The following SFMBT1 variants were observed in gnomAD, a reference collection of about 807,000 sequenced individuals.
SFMBT1 encodes the protein Scm like with four mbt domains 1.
Under a neutral mutation model 108.7 loss-of-function variants are expected in SFMBT1, and 32 were observed. That is an observed-to-expected ratio of 0.29 (90% CI 0.22 to 0.40). The LOEUF is 0.40. Among genes scored for constraint, SFMBT1 ranks in the 10% least tolerant of loss-of-function variants. The pLI, the probability that SFMBT1 is intolerant of heterozygous loss-of-function variation, is 1.00. For synonymous variants in SFMBT1, 348 were observed against 369.5 expected (o/e 0.94, Z 0.67); for missense variants, 816 against 1,059.6 (o/e 0.77, Z 3.19).
At chr3:53,019,286 G>A (rs1699222858) in intron 1 of SFMBT1, among the ~76,000 whole-genome samples, 1 of 151,620 alleles carries the variant, frequency 6.6e-6, no homozygotes, top group Non-Finnish European at 1.5e-5. Context: ...AACAGAGAAA[G>A]ACCTTGTCTC....
At chr3:52,968,965 A>T in intron 2 of SFMBT1, 136 bp downstream of exon 2, 1 of 949,140 alleles carries the variant, frequency 1.1e-6, no homozygotes, top group Non-Finnish European at 1.6e-6. Flanking sequence ...TCTGAGAGGT[A>T]CAGAAGATGG....
chr3:52,986,919 G>A (rs1267316949), intron 1 of SFMBT1, among the ~76,000 whole-genome samples: 1 of 152,070 alleles, frequency 6.6e-6, no homozygotes, highest in African/African-American at 2.4e-5. Context: ...CAGTCTGGGC[G>A]AAAGAGTGAG....
At chr3:52,921,967 T>C (rs937454207) in intron 10 of SFMBT1, 136 bp from the exon 11 acceptor site, 1 of 876,842 alleles carries the variant, frequency 1.1e-6, no homozygotes, top group African/African-American at 1.7e-5. Flanking sequence ...GTTTTGCTTT[T>C]TAATGAAGCA....
intron 1 of SFMBT1, among the ~76,000 whole-genome samples, chr3:53,001,615 T>C (rs1169494235): frequency 7.1e-6 from 1 of 141,318 alleles, no homozygotes; most frequent in South Asian, 2.3e-4. Context: ...GAAACAAGTG[T>C]AGAAAAAGCC....
At chr3:52,938,651 A>T (rs1356528851) in intron 4 of SFMBT1, among the ~76,000 whole-genome samples, 2 of 131,586 alleles carry the variant, frequency 1.5e-5, no homozygotes, top group South Asian at 2.6e-4. Context: ...TTTTTTTTTT[A>T]AGACAATTAG....
At chr3:52,928,394 T>A in intron 8 of SFMBT1, 53 bp from the exon 9 acceptor site, 5 of 1,561,686 alleles carry the variant, frequency 3.2e-6, no homozygotes, top group Non-Finnish European at 4.4e-6. Flanking sequence ...ATATATGTGC[T>A]TTCTCCTTGG....
Position 52,925,219 on chromosome 3 carries a change from T to TCAAAA in SFMBT1, c.1131+807_1131+811dup, listed in dbSNP as rs894998636. 1.2e-4 allele frequency among the ~76,000 whole-genome samples: 18 copies of TCAAAA among 152,250 alleles called. 1 individual carries two copies. Among genetic ancestry groups the TCAAAA allele is most frequent in the Middle Eastern group, 3.4e-3 (1 of 294 alleles). On this transcript the variant is annotated intron_variant, in intron 10 of 20. Transcript: ENST00000394752. ...CTGGGTGACAGAGCAAGACTCTGTCTCAAAACAAAACAAAACAAAACTGCA... is the reference window on the plus strand; with the variant it reads ...CTGGGTGACAGAGCAAGACTCTGTCTCAAAACAAAACAAAACAAAACAAAACTGCA...
At chr3:52,935,387 T>A (rs897883146) in intron 4 of SFMBT1, among the ~76,000 whole-genome samples, 4 of 152,218 alleles carry the variant, frequency 2.6e-5, no homozygotes, top group African/African-American at 9.6e-5. Context: ...TTTGTTTACA[T>A]ATTGTCTGTG....
At chr3:52,990,469 T>G (rs1292259307) in intron 1 of SFMBT1, among the ~76,000 whole-genome samples, 1 of 152,120 alleles carries the variant, frequency 6.6e-6, no homozygotes, top group African/African-American at 2.4e-5. Context: ...AATCTAACTA[T>G]GCAAAGTCTT....
Position 53,040,968 on chromosome 3 carries a change from A to ATTTTTTTTTTTTTTTTTTTTTTTT in SFMBT1, c.-131+4824_-131+4847dup, listed in dbSNP as rs57640588. ...TACAGGCATGCACCAAGACACCTGAATTTTTTTTTTTTTTTTTTTTTTTTT... is the reference window on the plus strand; with the variant it reads ...TACAGGCATGCACCAAGACACCTGAATTTTTTTTTTTTTTTTTTTTTTTTTTTTTTTTTTTTTTTTTTTTTTTTT... On this transcript the variant is annotated intron_variant, in intron 1 of 20. Coordinates refer to ENST00000394752, the MANE Select transcript of SFMBT1 (RefSeq NM_016329.4). Among the ~76,000 whole-genome samples, 19 of 46,384 alleles carry ATTTTTTTTTTTTTTTTTTTTTTTT rather than the reference A, an allele frequency of 4.1e-4. 3 individuals carry two copies. The highest frequency in any genetic ancestry group is 1.9e-3 in the South Asian group (2 of 1,060). The allele number at this position is 46,384 out of a possible 152,430, so 30.4% of individuals were successfully genotyped here.
chr3:52,992,134 C>T (rs921433913), intron 1 of SFMBT1, among the ~76,000 whole-genome samples: 5 of 152,226 alleles, frequency 3.3e-5, no homozygotes, highest in Admixed American at 3.3e-4. Context: ...TGCTGTTGCC[C>T]ACTCAGAATG....
At chr3:52,969,384 ACTGGAGG>A in intron 1 of SFMBT1, 126 bp from the exon 2 acceptor site, 1 of 924,832 alleles carries the variant, frequency 1.1e-6, no homozygotes, top group African/African-American at 1.7e-5. Flanking sequence ...AATAGATAGG[ACTGGAGG>A]AAAAAATTGA....
intron 1 of SFMBT1, among the ~76,000 whole-genome samples, chr3:52,985,907 C>T (rs1466343012): frequency 6.6e-6 from 1 of 152,010 alleles, no homozygotes; most frequent in Non-Finnish European, 1.5e-5. Flanking sequence ...CTTTGGGAGG[C>T]CAAGGTGGGC....
chr3:52,926,931 G>C (rs1702676062), intron 9 of SFMBT1, among the ~76,000 whole-genome samples: 1 of 152,056 alleles, frequency 6.6e-6, no homozygotes, highest in South Asian at 2.1e-4. Context: ...TTCTCCCTTT[G>C]CCCCAACCTC....
At chr3:53,002,609 T>C (rs990081875) in intron 1 of SFMBT1, among the ~76,000 whole-genome samples, 5 of 150,002 alleles carry the variant, frequency 3.3e-5, no homozygotes, top group African/African-American at 1.2e-4. Context: ...GAGCAAAAGT[T>C]GGAAGTCTGT....
intron 1 of SFMBT1, among the ~76,000 whole-genome samples, chr3:52,986,821 T>C: frequency 6.9e-6 from 1 of 145,388 alleles, no homozygotes; most frequent in East Asian, 2.0e-4. Context: ...GTGCCTGTAA[T>C]ACCAGCTACT....
intron 1 of SFMBT1, among the ~76,000 whole-genome samples, chr3:52,999,099 C>T (rs1394940375): frequency 6.6e-6 from 1 of 150,852 alleles, no homozygotes; most frequent in African/African-American, 2.4e-5. Flanking sequence ...CCTGCGCCGG[C>T]GTCTGCTGAT....
At chr3:52,948,708 G>A (rs1275283728) in intron 3 of SFMBT1, among the ~76,000 whole-genome samples, 5 of 150,922 alleles carry the variant, frequency 3.3e-5, no homozygotes, top group African/African-American at 1.2e-4. Context: ...CTGATGTACA[G>A]CGGCACAATC....
At chr3:52,930,194 A>C (rs1320138690) in intron 8 of SFMBT1, 135 bp downstream of exon 8, 2 of 629,802 alleles carry the variant, frequency 3.2e-6, no homozygotes, top group Non-Finnish European at 5.7e-6. Context: ...AAACGTGCAC[A>C]GAAGTAATTC....
Sources: allele counts gnomAD v4.1 joint callset (sites outside exome capture counted in the v4.1 genomes callset), GRCh38; gene constraint gnomAD v4.1.1; transcripts MANE v1.5; gene names NCBI Gene and HGNC (gene_info 2026-07-23, HGNC 2026-07-21).